The following TXNRD1 variants were observed in gnomAD, a reference collection of about 807,000 sequenced individuals.
TXNRD1 encodes thioredoxin reductase 1.
Under a neutral mutation model 80.3 loss-of-function variants are expected in TXNRD1, and 57 were observed. That is an observed-to-expected ratio of 0.71 (90% confidence interval 0.57 to 0.89). The LOEUF (loss-of-function observed/expected upper bound fraction) is 0.89, where lower values mean the gene tolerates loss of function less well. Among genes scored for constraint, TXNRD1 ranks in the 40% least tolerant of loss-of-function variants. The probability of loss-of-function intolerance (pLI) is 0.00; values close to 1 mark genes in which losing one functional copy is unlikely to be tolerated. For synonymous variants in TXNRD1, 291 were observed against 285.2 expected (o/e 1.02, Z -0.20); for missense variants, 730 against 803.0 (o/e 0.91, Z 1.10).
intron 3 of TXNRD1, among the ~76,000 whole-genome samples, chr12:104,274,722 A>G (rs1246470690): frequency 1.4e-5 from 2 of 140,246 alleles, no homozygotes; most frequent in African/African-American, 5.5e-5. Flanking sequence ...TAATAATAAA[A>G]AAAATAATAA....
intron 5 of TXNRD1, among the ~76,000 whole-genome samples, chr12:104,312,412 A>C (rs2035171678): frequency 6.6e-6 from 1 of 152,212 alleles, no homozygotes; most frequent in African/African-American, 2.4e-5. Context: ...TAATTCCCTA[A>C]GGTATAGCTT....
At chr12:104,313,157 C>T (rs2035199581) in intron 5 of TXNRD1, 88 bp from the exon 6 acceptor site, 18 of 1,060,640 alleles carry the variant, frequency 1.7e-5, no homozygotes, top group Non-Finnish European at 1.4e-6. Context: ...AGCTCTATAG[C>T]TTAAAAAAAA....
At chr12:104,335,224 C>T (rs1019240270) in intron 15 of TXNRD1, among the ~76,000 whole-genome samples, 7 of 126,162 alleles carry the variant, frequency 5.5e-5, no homozygotes, top group South Asian at 2.5e-4. Flanking sequence ...TTTTTTGAGA[C>T]GGAGTCTTGC....
chr12:104,298,946 G>A (rs559218227), intron 4 of TXNRD1, among the ~76,000 whole-genome samples: 14 of 151,720 alleles, frequency 9.2e-5, no homozygotes, highest in East Asian at 1.9e-4. Flanking sequence ...GTTGTCCCTC[G>A]GTATCTTCAG....
At chr12:104,319,203 C>T in intron 8 of TXNRD1, 148 bp downstream of exon 8, 1 of 1,058,338 alleles carries the variant, frequency 9.4e-7, no homozygotes, top group East Asian at 2.6e-5. Flanking sequence ...TCATATCATC[C>T]TATGGGGCCT....
At chr12:104,286,570 C>G in intron 3 of TXNRD1, 1 of 329,144 alleles carries the variant, frequency 3.0e-6, no homozygotes, top group Non-Finnish European at 4.3e-6. Flanking sequence ...TTGCTGCCAA[C>G]TCAATCACCT....
chr12:104,305,022 T>C (rs1317207808), intron 4 of TXNRD1: 9 of 1,324,840 alleles, frequency 6.8e-6, no homozygotes, highest in South Asian at 1.6e-5. Flanking sequence ...ATATTGTATC[T>C]CTTGTAAAGT....
intron 1 of TXNRD1, among the ~76,000 whole-genome samples, chr12:104,250,214 G>A (rs941157174): frequency 1.3e-5 from 2 of 152,094 alleles, no homozygotes; most frequent in East Asian, 1.9e-4. Flanking sequence ...ACATGCAAAA[G>A]AAGAAAGTGG....
At chr12:104,276,282 A>G (rs1462586182) in intron 3 of TXNRD1, among the ~76,000 whole-genome samples, 1 of 152,230 alleles carries the variant, frequency 6.6e-6, no homozygotes, top group East Asian at 1.9e-4. Context: ...AGGTAGAACA[A>G]TCCTTATTCT....
rs1385170448 is a variant in TXNRD1, at chr12:104,309,988, C to T, written c.415-1302C>T. On this transcript the variant is annotated intron_variant, in intron 4 of 16. Coordinates refer to ENST00000525566, the MANE Select transcript of TXNRD1 (RefSeq NM_001093771.3). ...CTGTGCTTCCTCCTTCACATTGCTCCACCGCACCCCCTTCCACATCCCAAG... is the reference window on the plus strand; with the variant it reads ...CTGTGCTTCCTCCTTCACATTGCTCTACCGCACCCCCTTCCACATCCCAAG... The T allele has an allele frequency of 3.3e-6, 5 of 1,536,172 alleles. No homozygotes were observed. In the Admixed American group the frequency reaches 7.8e-5, roughly 24 times the overall value.
Position 104,319,498 on chromosome 12 carries a change from T to A in TXNRD1, c.902T>A (p.Ile301Asn), listed in dbSNP as rs1288586459. The A allele has an allele frequency of 6.3e-7, 1 of 1,593,660 alleles. No homozygotes were observed. The highest frequency in any genetic ancestry group is 8.5e-7 in the Non-Finnish European group (1 of 1,169,802). ...ACAAATAATAAAGGCAAAGAAAAAA[T>A]TTATTCAGCAGAGAGATTTCTCATT... Reference protein sequence around the residue: ...KATNNKGKEKIYSAERFLIAT... With the variant: ...KATNNKGKEKNYSAERFLIAT... Residue 301 changes from isoleucine to asparagine, a missense_variant, in exon 9 of 17, where the codon ATT becomes AAT. Transcript: ENST00000525566.
intron 2 of TXNRD1, among the ~76,000 whole-genome samples, chr12:104,253,652 A>G (rs1362046004): frequency 6.6e-6 from 1 of 151,854 alleles, no homozygotes; most frequent in Admixed American, 6.6e-5. Flanking sequence ...CTTTTTTTTA[A>G]TCTTTAAAAT....
In TXNRD1 at chr12:104,299,973, AGAGTGTGG is replaced by A. The variant is rs1380250670; in HGVS notation, c.414+10936_414+10943del. On this transcript the variant is annotated intron_variant, in intron 4 of 16. Coordinates refer to ENST00000525566, the MANE Select transcript of TXNRD1 (RefSeq NM_001093771.3). ...AGCTATTAGGATAAGTGTATATGTT[AGAGTGTGG>A]GACTCAAACCTGACTGATTCCTGGC... is the stretch of plus-strand genomic sequence containing the variant. Among the ~76,000 whole-genome samples, 26 of 152,318 alleles carry A rather than the reference AGAGTGTGG, an allele frequency of 1.7e-4. 1 individual carries two copies. In the East Asian group the frequency reaches 4.4e-3, roughly 26 times the overall value.
At chr12:104,223,149 A>G (rs917709714) in intron 1 of TXNRD1, among the ~76,000 whole-genome samples, 1 of 152,206 alleles carries the variant, frequency 6.6e-6, no homozygotes, top group African/African-American at 2.4e-5. Flanking sequence ...TCACTTATAT[A>G]GTGGCATTTT....
chr12:104,224,715 G>A, intron 1 of TXNRD1: 1 of 397,408 alleles, frequency 2.5e-6, no homozygotes, highest in Non-Finnish European at 5.1e-6. Context: ...TTCCTGTTTG[G>A]GATAGTTCAT....
At chr12:104,297,440 A>G (rs951942563) in intron 4 of TXNRD1, among the ~76,000 whole-genome samples, 1 of 151,780 alleles carries the variant, frequency 6.6e-6, no homozygotes, top group African/African-American at 2.4e-5. Context: ...ATCTCAGTTC[A>G]CTGCAATCTC....
At position 104,299,369 on chromosome 12, in the gene TXNRD1, T is replaced by TA. The variant is rs140725894; in HGVS notation, c.414+10340dup. 7.4e-3 allele frequency among the ~76,000 whole-genome samples: 1,088 copies of TA among 146,208 alleles called. 8 individuals are homozygous for TA. The highest frequency in any genetic ancestry group is 0.011 in the Non-Finnish European group (757 of 66,118). On this transcript the variant is annotated intron_variant, in intron 4 of 16. Transcript: ENST00000525566. ...GGTCTTTTCAGAAACTAATTTTCAT[T>TA]AAAAAAAAAAATACAGATATCTGTC...
chr12:104,287,235 G>A, intron 3 of TXNRD1: 1 of 1,613,054 alleles, frequency 6.2e-7, no homozygotes, highest in South Asian at 1.1e-5. Flanking sequence ...CTCGGGGAAG[G>A]GAAGATATTT....
chr12:104,320,286 ACTC>A (rs1329868678), intron 9 of TXNRD1, among the ~76,000 whole-genome samples: 1 of 151,630 alleles, frequency 6.6e-6, no homozygotes, highest in African/African-American at 2.4e-5. Context: ...AAATTACTCT[ACTC>A]CTTCAGGCTC....
Sources: gnomAD v4.1 joint callset for allele counts (sites outside exome capture counted in the v4.1 genomes callset) on GRCh38, gnomAD v4.1.1 for gene constraint, MANE v1.5 for transcripts, NCBI Gene and HGNC (gene_info 2026-07-23, HGNC 2026-07-21) for gene names.